RIN2: variants seen among roughly 807,000 people sequenced by gnomAD.
RIN2 encodes the protein Ras and Rab interactor 2.
Under a neutral mutation model 78.0 loss-of-function variants are expected in RIN2, and 36 were observed. That is an observed-to-expected ratio of 0.46 (90% CI 0.35 to 0.61). RIN2 has a LOEUF of 0.61. Ranked by LOEUF, RIN2 falls within the 20% of genes least tolerant of loss-of-function variation. The pLI is 0.00. For missense variants in RIN2, 1,087 were observed against 1,159.7 expected, an observed-to-expected ratio of 0.94 and a Z score of 0.91; for synonymous variants, 466 against 466.8, an observed-to-expected ratio of 1.00 and a Z score of 0.02.
intron 2 of RIN2, among the ~76,000 whole-genome samples, chr20:19,824,399 T>C (rs896438042): frequency 2.0e-5 from 3 of 152,214 alleles, no homozygotes; most frequent in Non-Finnish European, 2.9e-5. Flanking sequence ...TTTAAGGTGT[T>C]AGGTATATTT....
At chr20:19,818,731 CAA>C (rs1285476504) in intron 2 of RIN2, among the ~76,000 whole-genome samples, 2 of 49,546 alleles carry the variant, frequency 4.0e-5, no homozygotes, top group Non-Finnish European at 4.1e-5. Flanking sequence ...GACTCCGTAT[CAA>C]AAAAAAAAAA....
At chr20:19,989,651 C>A (rs566182491) in intron 9 of RIN2, among the ~76,000 whole-genome samples, 14 of 152,284 alleles carry the variant, frequency 9.2e-5, no homozygotes, top group African/African-American at 3.4e-4. Flanking sequence ...CTTTGCTCTC[C>A]TGTTAATTGG....
Position 19,990,378 on chromosome 20 carries a change from G to T in RIN2, c.2068+67G>T, listed in dbSNP as rs573006434. On this transcript the variant is annotated intron_variant, in intron 10 of 12. Coordinates refer to ENST00000255006, the MANE Select transcript of RIN2 (RefSeq NM_018993.4). ...CGGGCCGGGGACAGGCCTCTCTCCTGTCAGGCTTTCTGATTCCCAATTTCT... is the reference window on the plus strand; with the variant it reads ...CGGGCCGGGGACAGGCCTCTCTCCTTTCAGGCTTTCTGATTCCCAATTTCT... 2.7e-6 allele frequency: 4 copies of T among 1,462,492 alleles called. No individual in the cohort carries two copies. In the African/African-American group the frequency reaches 4.2e-5, roughly 15 times the overall value. The allele number at this position is 1,462,492 out of a possible 1,614,324, so 90.6% of individuals were successfully genotyped here. A position where few individuals can be genotyped will look rare whatever the true frequency, so the allele number is the denominator to read the frequency against.
rs373615542 is a variant in RIN2 at position 19,975,163 on chromosome 20, G to C, written c.1138G>C (p.Gly380Arg). 2.0e-4 allele frequency: 329 copies of C among 1,611,634 alleles called. No individual in the cohort carries two copies. Among genetic ancestry groups the C allele is most frequent in the Non-Finnish European group, 2.6e-4 (305 of 1,179,264 alleles). Residue 380 changes from glycine (G) to arginine (R), a missense_variant, in exon 9 of 13, where the codon GGC becomes CGC. Gly to Arg is a moderately radical substitution (Grantham distance 125). Around this residue, in one of 8 missense-constraint regions of RIN2, gnomAD observed 706 missense variants for 667.5 expected, o/e 1.06. Coordinates refer to ENST00000255006, the MANE Select transcript of RIN2 (RefSeq NM_018993.4). This position sits in a 1 kb window ranked among gnomAD's most constrained non-coding sequence, Gnocchi z 4.9. Reference sequence around the variant, plus strand: ...GGGCGGTGCAAAGACCTTGAGCGGCGGCCGGCCGGGCGCAGGCCCGGAGCT... The same window carrying C: ...GGGCGGTGCAAAGACCTTGAGCGGCCGCCGGCCGGGCGCAGGCCCGGAGCT... ...AEGGAKTLSG[G>R]RPGAGPELEL...
rs371948130 is a variant in RIN2, at chr20:19,990,115, C to A, written c.1872C>A (p.Leu624=). 6.2e-7 allele frequency: 1 copy of A among 1,601,496 alleles called. No homozygotes were observed. Among genetic ancestry groups the A allele is most frequent in the Non-Finnish European group, 8.5e-7 (1 of 1,174,150 alleles). Residue 624 remains leucine (L), a synonymous_variant, in exon 10 of 13, where the codon CTC becomes CTA. Coordinates refer to ENST00000255006, the MANE Select transcript of RIN2 (RefSeq NM_018993.4). ...FHMADGSWKQ[L]KENLQLVRQR... ...TGGCCGATGGCTCATGGAAGCAACT[C>A]AAGGAGAACCTGCAGCTTGTGCGGC...
intron 7 of RIN2, among the ~76,000 whole-genome samples, chr20:19,969,053 C>G (rs1320859741): frequency 6.6e-6 from 1 of 152,150 alleles, no homozygotes; most frequent in African/African-American, 2.4e-5. Context: ...AGCCTCCTGG[C>G]TTTACATTAG....
intron 2 of RIN2, among the ~76,000 whole-genome samples, chr20:19,818,426 C>T (rs1290632503): frequency 6.6e-6 from 1 of 152,182 alleles, no homozygotes; most frequent in Non-Finnish European, 1.5e-5. Flanking sequence ...ACTGCACATG[C>T]CTTGCCCTAG....
At chr20:19,844,059 A>ACC (rs1180098315) in intron 2 of RIN2, among the ~76,000 whole-genome samples, 62 of 152,332 alleles carry the variant, frequency 4.1e-4, no homozygotes, top group Admixed American at 4.0e-3. Context: ...TATGATGGTA[A>ACC]ATCATATTGA....
intron 5 of RIN2, among the ~76,000 whole-genome samples, chr20:19,957,439 G>A (rs2041589200): frequency 1.3e-5 from 2 of 152,216 alleles, no homozygotes; most frequent in African/African-American, 4.8e-5. Flanking sequence ...CACTTTGGGA[G>A]GCCAAGACGG....
intron 2 of RIN2, among the ~76,000 whole-genome samples, chr20:19,887,011 T>C (rs1447588743): frequency 6.6e-6 from 1 of 151,910 alleles, no homozygotes; most frequent in Non-Finnish European, 1.5e-5. Flanking sequence ...AGAACTCTTT[T>C]GGGGCCCTGA....
intron 11 of RIN2, among the ~76,000 whole-genome samples, chr20:19,995,154 A>G (rs1027823834): frequency 1.3e-5 from 2 of 151,940 alleles, no homozygotes; most frequent in Non-Finnish European, 2.9e-5. Flanking sequence ...TCACATGAAT[A>G]AAGCTAAATA....
At chr20:19,950,436 T>G (rs1430628258) in intron 4 of RIN2, among the ~76,000 whole-genome samples, 1 of 152,236 alleles carries the variant, frequency 6.6e-6, no homozygotes, top group Non-Finnish European at 1.5e-5. Flanking sequence ...ACCTATTATT[T>G]TGAGAAATTT....
intron 6 of RIN2, among the ~76,000 whole-genome samples, chr20:19,963,855 C>CTTTT (rs869033357): frequency 1.2e-4 from 10 of 86,622 alleles, no homozygotes; most frequent in African/African-American, 2.0e-4. Flanking sequence ...CAGTATGTGT[C>CTTTT]TTTTTTTTTT....
chr20:19,804,152 A>G (rs2035332554), intron 2 of RIN2, among the ~76,000 whole-genome samples: 1 of 152,180 alleles, frequency 6.6e-6, no homozygotes, highest in African/African-American at 2.4e-5. Flanking sequence ...AACAAAGGCA[A>G]TTTGACTTCC....
intron 2 of RIN2, among the ~76,000 whole-genome samples, chr20:19,872,840 T>A (rs2037730840): frequency 6.6e-6 from 1 of 152,126 alleles, no homozygotes; most frequent in Admixed American, 6.6e-5. Context: ...AATTACCCAT[T>A]GATTATGATG....
At chr20:19,874,271 T>A (rs1163169274) in intron 2 of RIN2, among the ~76,000 whole-genome samples, 1 of 152,166 alleles carries the variant, frequency 6.6e-6, no homozygotes, top group Non-Finnish European at 1.5e-5. Flanking sequence ...TTAAATAAGG[T>A]GGTTTTAACT....
chr20:19,875,994 T>A (rs976816082), intron 2 of RIN2, among the ~76,000 whole-genome samples: 1 of 152,198 alleles, frequency 6.6e-6, no homozygotes, highest in Non-Finnish European at 1.5e-5. Context: ...TCCCTCCCTC[T>A]GAGGCTTTGA....
chr20:19,866,626 TTTA>T (rs1172522508), intron 2 of RIN2, among the ~76,000 whole-genome samples: 1 of 152,158 alleles, frequency 6.6e-6, no homozygotes, highest in Non-Finnish European at 1.5e-5. Flanking sequence ...GATATTTTAT[TTTA>T]TTTTATTTAT....
At chr20:19,961,386 G>A (rs2041741183) in intron 6 of RIN2, among the ~76,000 whole-genome samples, 1 of 152,174 alleles carries the variant, frequency 6.6e-6, no homozygotes, top group Non-Finnish European at 1.5e-5. Context: ...TCCACGATTG[G>A]TCATTGGAAA....
Sources: gnomAD v4.1 joint callset for allele counts (sites outside exome capture counted in the v4.1 genomes callset) on GRCh38, gnomAD v4.1.1 for gene constraint, gnomAD v4.1.1 regional missense constraint, Gnocchi (gnomAD v3.1) non-coding constraint, MANE v1.5 for transcripts, NCBI Gene and HGNC (gene_info 2026-07-23, HGNC 2026-07-21) for gene names.